ZHX2: variants seen among roughly 807,000 people sequenced by gnomAD.
ZHX2 encodes zinc fingers and homeoboxes 2.
In ZHX2, 6 loss-of-function variants were observed where a neutral mutation model predicts 21.9. That is an observed-to-expected ratio of 0.27 (90% CI 0.15 to 0.54). The LOEUF (loss-of-function observed/expected upper bound fraction) is 0.54, where lower values mean the gene tolerates loss of function less well. ZHX2 is among the 20% of genes least tolerant of loss of function. The pLI is 0.95. For missense variants in ZHX2, 908 were observed against 1,090.7 expected, an observed-to-expected ratio of 0.83 and a Z score of 2.36; for synonymous variants, 434 against 437.1, an observed-to-expected ratio of 0.99 and a Z score of 0.09.
chr8:122,806,600 C>T (rs569993103), intron 1 of ZHX2, among the ~76,000 whole-genome samples: 33 of 152,250 alleles, frequency 2.2e-4, no homozygotes, highest in African/African-American at 7.2e-4. Flanking sequence ...GCAAAGCCAA[C>T]AACGGAAAGG....
chr8:122,895,483 A>C (rs1009561806), intron 2 of ZHX2, among the ~76,000 whole-genome samples: 1 of 152,200 alleles, frequency 6.6e-6, no homozygotes, highest in African/African-American at 2.4e-5. Flanking sequence ...ATGAATTTCT[A>C]TAAGCCCTTT....
At chr8:122,821,596 C>T (rs17287947) in intron 1 of ZHX2, among the ~76,000 whole-genome samples, 45,052 of 151,534 alleles carry the variant, frequency 0.3, 7,842 homozygotes, top group Middle Eastern at 0.49. Context: ...AAAAGAAGAT[C>T]CCTGGACCCC....
intron 1 of ZHX2, among the ~76,000 whole-genome samples, chr8:122,848,963 G>A (rs1376657542): frequency 6.6e-6 from 1 of 152,204 alleles, no homozygotes; most frequent in Non-Finnish European, 1.5e-5. Context: ...CCTGTTTACC[G>A]AGGCTGCTAC....
At chr8:122,819,304 G>A (rs1295234128) in intron 1 of ZHX2, among the ~76,000 whole-genome samples, 1 of 152,146 alleles carries the variant, frequency 6.6e-6, no homozygotes, top group Non-Finnish European at 1.5e-5. Context: ...CTACAGAATG[G>A]CACTCTCCCA....
rs142030074 is a variant in ZHX2, at chr8:122,929,968, T to C, written c.-219-21324T>C. Among the ~76,000 whole-genome samples the C allele has an allele frequency of 3.3e-5, 5 of 152,354 alleles. 1 individual carries two copies. Among genetic ancestry groups the C allele is most frequent in the Admixed American group, 3.3e-4 (5 of 15,310 alleles). On this transcript the variant is annotated intron_variant, in intron 2 of 3. Coordinates refer to ENST00000314393, the MANE Select transcript of ZHX2 (RefSeq NM_014943.5). ...TTAATTCAGCAGGCCGGCTCCATGC[T>C]GTAGCTCTTGTTTGTACAACAGGAA...
intron 2 of ZHX2, among the ~76,000 whole-genome samples, chr8:122,883,534 G>A (rs916768506): frequency 5.9e-5 from 9 of 152,190 alleles, no homozygotes; most frequent in Admixed American, 5.2e-4. Flanking sequence ...TGCAACATAT[G>A]TGTTCCCCCA....
At chr8:122,821,391 T>G (rs922572148) in intron 1 of ZHX2, among the ~76,000 whole-genome samples, 2 of 152,196 alleles carry the variant, frequency 1.3e-5, no homozygotes, top group Non-Finnish European at 2.9e-5. Flanking sequence ...TAGTAAGGGC[T>G]TATCTCCTTT....
At chr8:122,862,523 T>C (rs2130775456) in intron 1 of ZHX2, among the ~76,000 whole-genome samples, 1 of 152,250 alleles carries the variant, frequency 6.6e-6, no homozygotes, top group East Asian at 1.9e-4. Context: ...TGGGACTCTG[T>C]GTGTGCAGCA....
chr8:122,958,696 C>T (rs1813367185), intron 3 of ZHX2, among the ~76,000 whole-genome samples: 1 of 152,216 alleles, frequency 6.6e-6, no homozygotes, highest in African/African-American at 2.4e-5. Flanking sequence ...CAGTGCCTGA[C>T]CCCAGCCACT....
At chr8:122,917,979 A>G (rs1820644874) in intron 2 of ZHX2, among the ~76,000 whole-genome samples, 1 of 152,220 alleles carries the variant, frequency 6.6e-6, no homozygotes, top group Admixed American at 6.5e-5. Context: ...TCCTCTTGAT[A>G]GAAATGATTC....
intron 2 of ZHX2, among the ~76,000 whole-genome samples, chr8:122,906,179 T>C (rs1820343440): frequency 6.6e-6 from 1 of 152,252 alleles, no homozygotes; most frequent in Non-Finnish European, 1.5e-5. Flanking sequence ...TTAACTCTAA[T>C]AGCTATTTTT....
At chr8:122,925,821 C>T (rs1230348866) in intron 2 of ZHX2, among the ~76,000 whole-genome samples, 1 of 152,092 alleles carries the variant, frequency 6.6e-6, no homozygotes, top group African/African-American at 2.4e-5. Context: ...GCTAGGGAGC[C>T]AGGGAACGGT....
chr8:122,905,894 A>G (rs1820336163), intron 2 of ZHX2, among the ~76,000 whole-genome samples: 1 of 152,238 alleles, frequency 6.6e-6, no homozygotes, highest in Non-Finnish European at 1.5e-5. Context: ...TTTGAGCTAG[A>G]ACAGAAATGC....
chr8:122,841,463 C>T (rs1211662643), intron 1 of ZHX2, among the ~76,000 whole-genome samples: 5 of 152,038 alleles, frequency 3.3e-5, no homozygotes, highest in South Asian at 2.1e-4. Context: ...CAAAACCCAC[C>T]TCCTGCCTCA....
intron 2 of ZHX2, among the ~76,000 whole-genome samples, chr8:122,925,384 A>G (rs1586393052): frequency 6.6e-6 from 1 of 152,198 alleles, no homozygotes; most frequent in African/African-American, 2.4e-5. Context: ...CCCAGTTCTT[A>G]GTGCTATGGA....
At chr8:122,910,166 T>C (rs1043061179) in intron 2 of ZHX2, among the ~76,000 whole-genome samples, 12 of 151,246 alleles carry the variant, frequency 7.9e-5, no homozygotes, top group African/African-American at 2.9e-4. Flanking sequence ...GACAAAAGAC[T>C]AGAGGGACCT....
At chr8:122,912,352 G>C (rs554782211) in intron 2 of ZHX2, among the ~76,000 whole-genome samples, 1 of 152,220 alleles carries the variant, frequency 6.6e-6, no homozygotes, top group Non-Finnish European at 1.5e-5. Context: ...GGTGCTCTGG[G>C]CAGCACGAGC....
At chr8:122,915,594 G>T (rs1297842982) in intron 2 of ZHX2, among the ~76,000 whole-genome samples, 1 of 152,130 alleles carries the variant, frequency 6.6e-6, no homozygotes, top group African/African-American at 2.4e-5. Flanking sequence ...TTGGCTTCAC[G>T]CTGCAAGAAA....
At chr8:122,964,917 T>A (rs917104979) in intron 3 of ZHX2, among the ~76,000 whole-genome samples, 8 of 152,064 alleles carry the variant, frequency 5.3e-5, no homozygotes, top group African/African-American at 1.4e-4. Context: ...GGTTTTCTAG[T>A]TTATGCTCAT....
Sources: allele counts gnomAD v4.1 joint callset (sites outside exome capture counted in the v4.1 genomes callset), GRCh38; gene constraint gnomAD v4.1.1; transcripts MANE v1.5; gene names NCBI Gene and HGNC (gene_info 2026-07-23, HGNC 2026-07-21).